Variants in ARL15 observed in about 807,000 individuals in gnomAD.
The protein encoded by ARL15 is ARF like GTPase 15.
A neutral mutation model predicts 25.2 loss-of-function variants in ARL15; 19 were observed. The ratio of observed to expected loss-of-function variants is 0.75; its 90% CI spans 0.53 to 1.10. The LOEUF is 1.10. Ranked by LOEUF, ARL15 falls within the 50% of genes least tolerant of loss-of-function variation. The probability of loss-of-function intolerance (pLI) is 0.00; values close to 1 mark genes in which losing one functional copy is unlikely to be tolerated. For missense variants in ARL15, 220 were observed against 246.0 expected, an observed-to-expected ratio of 0.89 and a Z score of 0.71; for synonymous variants, 94 against 86.8, an observed-to-expected ratio of 1.08 and a Z score of -0.46.
At chr5:53,912,152 T>C (rs1312545959) in intron 4 of ARL15, 1 of 152,156 alleles carries the variant, frequency 6.6e-6, no homozygotes, top group Non-Finnish European at 1.5e-5. Context: ...TAAAAATATA[T>C]ATATTAACTC....
At chr5:54,215,797 TG>T (rs963802092) in intron 1 of ARL15, among the ~76,000 whole-genome samples, 2 of 25,022 alleles carry the variant, frequency 8.0e-5, no homozygotes, top group Non-Finnish European at 1.9e-4. Flanking sequence ...CAGTCAGGGG[TG>T]GGGGGCTGGG....
At chr5:53,940,868 C>G (rs1746520855) in intron 4 of ARL15, among the ~76,000 whole-genome samples, 1 of 152,064 alleles carries the variant, frequency 6.6e-6, no homozygotes, top group Admixed American at 6.5e-5. Flanking sequence ...CTCAAAATGT[C>G]TTTGTAGTTT....
chr5:54,292,482 A>G (rs1280834305), intron 1 of ARL15, among the ~76,000 whole-genome samples: 1 of 152,206 alleles, frequency 6.6e-6, no homozygotes, highest in Non-Finnish European at 1.5e-5. Flanking sequence ...CTCTCAAACC[A>G]GAAGGCAGAA....
chr5:54,143,081 A>G (rs1753815380), intron 3 of ARL15, among the ~76,000 whole-genome samples: 1 of 152,166 alleles, frequency 6.6e-6, no homozygotes, highest in Non-Finnish European at 1.5e-5. Context: ...AAGAACATAT[A>G]TTTTCTATTT....
At chr5:53,890,354 C>T (rs1021855301) in intron 4 of ARL15, among the ~76,000 whole-genome samples, 6 of 152,082 alleles carry the variant, frequency 3.9e-5, no homozygotes, top group African/African-American at 9.7e-5. Context: ...ATGCAATGAT[C>T]TATTTTTTAT....
At chr5:54,302,054 CAA>C (rs1227005866) in intron 1 of ARL15, among the ~76,000 whole-genome samples, 1 of 152,142 alleles carries the variant, frequency 6.6e-6, no homozygotes, top group Non-Finnish European at 1.5e-5. Flanking sequence ...TCAATGAAAG[CAA>C]AATCAGTGAG....
At chr5:54,224,754 T>C (rs1325091303) in intron 1 of ARL15, among the ~76,000 whole-genome samples, 1 of 152,220 alleles carries the variant, frequency 6.6e-6, no homozygotes, top group Non-Finnish European at 1.5e-5. Flanking sequence ...GTTTGAATTT[T>C]TATCAACAGC....
chr5:54,297,458 G>A (rs1254518140), intron 1 of ARL15, among the ~76,000 whole-genome samples: 1 of 152,242 alleles, frequency 6.6e-6, no homozygotes, highest in Non-Finnish European at 1.5e-5. Flanking sequence ...GCTTAGGGCT[G>A]TTTTGTTAGG....
At chr5:54,093,857 T>G (rs1449848024) in intron 4 of ARL15, among the ~76,000 whole-genome samples, 1 of 152,188 alleles carries the variant, frequency 6.6e-6, no homozygotes, top group Non-Finnish European at 1.5e-5. Flanking sequence ...TTAGAATGCA[T>G]CCTGATGAAT....
chr5:54,210,961 C>T (rs1479564080), intron 1 of ARL15, among the ~76,000 whole-genome samples: 2 of 152,140 alleles, frequency 1.3e-5, no homozygotes, highest in Non-Finnish European at 2.9e-5. Context: ...TACTACCTGA[C>T]ACTGTCAGCA....
chr5:54,045,859 A>G (rs1378979911), intron 4 of ARL15, among the ~76,000 whole-genome samples: 2 of 152,232 alleles, frequency 1.3e-5, no homozygotes, highest in Non-Finnish European at 2.9e-5. Flanking sequence ...AGGAAATGCT[A>G]AAAACAGAAT....
At chr5:54,039,410 T>A (rs1030926078) in intron 4 of ARL15, among the ~76,000 whole-genome samples, 1 of 152,174 alleles carries the variant, frequency 6.6e-6, no homozygotes, top group Non-Finnish European at 1.5e-5. Context: ...TTTCTATCAC[T>A]CACTTATCTC....
chr5:54,230,149 A>G (rs1756626615), intron 1 of ARL15, among the ~76,000 whole-genome samples: 1 of 152,192 alleles, frequency 6.6e-6, no homozygotes, highest in East Asian at 1.9e-4. Context: ...CAGGAGTTCA[A>G]GACCAGCCTG....
At chr5:54,264,609 C>T (rs1757576796) in intron 1 of ARL15, among the ~76,000 whole-genome samples, 1 of 152,144 alleles carries the variant, frequency 6.6e-6, no homozygotes, top group South Asian at 2.1e-4. Flanking sequence ...CAGTCACTCA[C>T]CCTACTCTTT....
At chr5:54,111,463 T>G (rs988531218) in intron 4 of ARL15, among the ~76,000 whole-genome samples, 1 of 152,114 alleles carries the variant, frequency 6.6e-6, no homozygotes, top group African/African-American at 2.4e-5. Flanking sequence ...CTTTATTCAA[T>G]GTGATCATCT....
At chr5:54,188,023 G>C (rs905916979) in intron 1 of ARL15, among the ~76,000 whole-genome samples, 20 of 151,974 alleles carry the variant, frequency 1.3e-4, no homozygotes, top group African/African-American at 4.4e-4. Flanking sequence ...TCTGGTTTTT[G>C]ACATGTTTGT....
chr5:54,039,599 G>A (rs1036536542), intron 4 of ARL15, among the ~76,000 whole-genome samples: 2 of 151,670 alleles, frequency 1.3e-5, no homozygotes, highest in South Asian at 2.1e-4. Flanking sequence ...TAGGAGTTTC[G>A]AGACCAGCCT....
chr5:54,034,656 A>C (rs1355352490), intron 4 of ARL15, among the ~76,000 whole-genome samples: 1 of 152,054 alleles, frequency 6.6e-6, no homozygotes, highest in Non-Finnish European at 1.5e-5. Flanking sequence ...AAATACACTT[A>C]AAAACAAAAA....
At chr5:54,013,582 T>C (rs1251986594) in intron 4 of ARL15, among the ~76,000 whole-genome samples, 1 of 152,230 alleles carries the variant, frequency 6.6e-6, no homozygotes, top group Non-Finnish European at 1.5e-5. Context: ...CTTACCTTCC[T>C]ATAAGGCACC....
Sources: gnomAD v4.1 joint callset for allele counts (sites outside exome capture counted in the v4.1 genomes callset) on GRCh38, gnomAD v4.1.1 for gene constraint, MANE v1.5 for transcripts, NCBI Gene and HGNC (gene_info 2026-07-23, HGNC 2026-07-21) for gene names.